Variants in SMOC2 observed in about 807,000 individuals in gnomAD.
SMOC2 encodes SPARC related modular calcium binding 2.
Under a neutral mutation model 61.4 loss-of-function variants are expected in SMOC2, and 39 were observed. That is an observed-to-expected ratio of 0.64 (90% CI 0.49 to 0.83). SMOC2 has a LOEUF of 0.83. Ranked by LOEUF, SMOC2 falls within the 40% of genes least tolerant of loss-of-function variation. The pLI, the probability that SMOC2 is intolerant of heterozygous loss-of-function variation, is 0.00. For missense variants in SMOC2, 556 were observed against 592.9 expected, an observed-to-expected ratio of 0.94 and a Z score of 0.65; for synonymous variants, 247 against 239.9, an observed-to-expected ratio of 1.03 and a Z score of -0.27.
intron 1 of SMOC2, among the ~76,000 whole-genome samples, chr6:168,478,820 A>G (rs1430652770): frequency 6.6e-6 from 1 of 151,994 alleles, no homozygotes; most frequent in Non-Finnish European, 1.5e-5. Flanking sequence ...TGAATGATTC[A>G]TGGTATCTGG....
At chr6:168,585,100 C>T (rs974729191) in intron 7 of SMOC2, among the ~76,000 whole-genome samples, 11 of 152,178 alleles carry the variant, frequency 7.2e-5, no homozygotes, top group Admixed American at 5.2e-4. Flanking sequence ...TGGAACTACA[C>T]GAGGGCGCCA....
At chr6:168,457,764 C>T (rs1006116961) in intron 1 of SMOC2, among the ~76,000 whole-genome samples, 12 of 152,160 alleles carry the variant, frequency 7.9e-5, no homozygotes, top group African/African-American at 2.9e-4. Flanking sequence ...GATGGCAGGC[C>T]CAGCTCGGCG....
chr6:168,635,125 C>G lies in SMOC2; in HGVS notation c.908-15556C>G, dbSNP rs191669584. Among the ~76,000 whole-genome samples the G allele has an allele frequency of 5.3e-5, 8 of 152,314 alleles. No homozygotes were observed. The East Asian group carries it at 9.6e-4, about 18-fold the overall frequency. The stretch of plus-strand genomic sequence containing the variant: ...GCCTCGTGAGCACTTCACGAGTTCT[C>G]TCTTATTTCAAACTTCAGAGCTATT... On this transcript the variant is annotated intron_variant, in intron 9 of 12. Transcript: ENST00000356284.
intron 1 of SMOC2, among the ~76,000 whole-genome samples, chr6:168,472,022 C>T (rs1420488176): frequency 1.3e-5 from 2 of 152,214 alleles, no homozygotes; most frequent in Non-Finnish European, 2.9e-5. Flanking sequence ...ATGACGGTGT[C>T]ATTTGATGCA....
At chr6:168,567,692 G>A (rs763431364) in intron 7 of SMOC2, among the ~76,000 whole-genome samples, 4 of 152,174 alleles carry the variant, frequency 2.6e-5, no homozygotes, top group South Asian at 2.1e-4. Flanking sequence ...AAGCATTTCC[G>A]AGACTAGAGG....
chr6:168,516,682 C>T (rs1009311586), intron 2 of SMOC2, among the ~76,000 whole-genome samples: 6 of 152,158 alleles, frequency 3.9e-5, no homozygotes, highest in African/African-American at 1.4e-4. Context: ...ATTCGAATCT[C>T]CACAAGATGA....
At chr6:168,612,908 T>C (rs553450174) in intron 9 of SMOC2, among the ~76,000 whole-genome samples, 1 of 152,276 alleles carries the variant, frequency 6.6e-6, no homozygotes, top group African/African-American at 2.4e-5. Flanking sequence ...AAACTTACAA[T>C]GGAGACTTTG....
chr6:168,650,389 C>T (rs182751619), intron 9 of SMOC2, among the ~76,000 whole-genome samples: 14 of 152,296 alleles, frequency 9.2e-5, no homozygotes, highest in African/African-American at 1.2e-4. Context: ...CTGCCACACT[C>T]GCTGGATGAG....
chr6:168,659,735 A>T (rs1316313109), intron 11 of SMOC2, among the ~76,000 whole-genome samples: 16 of 147,650 alleles, frequency 1.1e-4, no homozygotes, highest in African/African-American at 3.8e-4. Context: ...TGGAGGTTGT[A>T]GGTTGGGTGA....
chr6:168,651,927 G>A (rs1187520547), intron 10 of SMOC2, among the ~76,000 whole-genome samples: 3 of 151,714 alleles, frequency 2.0e-5, no homozygotes, highest in Non-Finnish European at 2.9e-5. Context: ...TGTAATCCCA[G>A]CTACTCGGGA....
chr6:168,581,519 A>G (rs902318722), intron 7 of SMOC2, among the ~76,000 whole-genome samples: 1 of 152,220 alleles, frequency 6.6e-6, no homozygotes, highest in Non-Finnish European at 1.5e-5. Context: ...TCGCTGCCCT[A>G]GTCACATTCT....
chr6:168,518,274 G>A lies in SMOC2; in HGVS notation c.257-8072G>A, dbSNP rs78889929. Among the ~76,000 whole-genome samples the A allele has an allele frequency of 4.3e-3, 650 of 151,562 alleles. 2 individuals are homozygous for A. Among genetic ancestry groups the A allele is most frequent in the African/African-American group, 0.014 (589 of 41,558 alleles). ...GCATTTCCATGAAGGAAATCTGTGC[G>A]GGGGTGTGAGTGTGAATGTGTGAAT... On this transcript the variant is annotated intron_variant, in intron 2 of 12. Transcript: ENST00000356284.
At chr6:168,564,328 T>C (rs1364145763) in intron 7 of SMOC2, among the ~76,000 whole-genome samples, 1 of 152,156 alleles carries the variant, frequency 6.6e-6, no homozygotes, top group Admixed American at 6.5e-5. Context: ...TGCCTGTGTG[T>C]GTTTATACAC....
intron 1 of SMOC2, among the ~76,000 whole-genome samples, chr6:168,481,057 A>G (rs1782196178): frequency 6.6e-6 from 1 of 152,206 alleles, no homozygotes; most frequent in Non-Finnish European, 1.5e-5. Context: ...GTTTCTTACC[A>G]GTAAACCTTT....
intron 8 of SMOC2, 103 bp downstream of exon 8, chr6:168,599,107 G>C: frequency 9.7e-7 from 1 of 1,026,906 alleles, no homozygotes; most frequent in Non-Finnish European, 1.4e-6. Flanking sequence ...CCGACACACA[G>C]TCACACACAC....
chr6:168,574,586 G>C (rs2342631), intron 7 of SMOC2, among the ~76,000 whole-genome samples: 1 of 152,114 alleles, frequency 6.6e-6, no homozygotes, highest in Admixed American at 6.5e-5. Flanking sequence ...AACGTCTGCA[G>C]ATGTGTTTAG....
In SMOC2 at chr6:168,666,654, C is replaced by T. The variant is rs1286195929; in HGVS notation, c.*216C>T. Reference sequence around the variant, plus strand: ...TAATCACATACAATGTATGTGTCCTCTTTTGACCTTGGAAATCTGTATGTG... The same window carrying T: ...TAATCACATACAATGTATGTGTCCTTTTTTGACCTTGGAAATCTGTATGTG... On this transcript the variant is annotated 3_prime_UTR_variant, in exon 13 of 13. Coordinates refer to ENST00000356284, the MANE Select transcript of SMOC2 (RefSeq NM_001166412.2). 3 of 591,446 alleles carry T rather than the reference C, an allele frequency of 5.1e-6. No individual in the cohort carries two copies. Among genetic ancestry groups the T allele is most frequent in the Admixed American group, 3.2e-5 (1 of 31,740 alleles). The allele number at this position is 591,446 out of a possible 1,614,324, so 36.6% of individuals were successfully genotyped here.
At chr6:168,519,964 T>G (rs1783290631) in intron 2 of SMOC2, among the ~76,000 whole-genome samples, 2 of 151,896 alleles carry the variant, frequency 1.3e-5, no homozygotes, top group East Asian at 3.9e-4. Flanking sequence ...TTTCTGCCTT[T>G]ATGCATTTAA....
chr6:168,506,763 T>C (rs1782880078), intron 1 of SMOC2, among the ~76,000 whole-genome samples: 1 of 152,216 alleles, frequency 6.6e-6, no homozygotes, highest in African/African-American at 2.4e-5. Context: ...TTTAATAAAG[T>C]CACTCGATGT....
Sources: gnomAD v4.1 joint callset for allele counts (sites outside exome capture counted in the v4.1 genomes callset) on GRCh38, gnomAD v4.1.1 for gene constraint, MANE v1.5 for transcripts, NCBI Gene and HGNC (gene_info 2026-07-23, HGNC 2026-07-21) for gene names.